Variants in NUMB observed in about 807,000 individuals in gnomAD.
The protein encoded by NUMB is NUMB endocytic adaptor protein.
Under a neutral mutation model 59.7 loss-of-function variants are expected in NUMB, and 29 were observed. The ratio of observed to expected loss-of-function variants is 0.49; its 90% CI spans 0.36 to 0.66. NUMB has a LOEUF of 0.66. Among genes scored for constraint, NUMB ranks in the 30% least tolerant of loss-of-function variants. The pLI is 0.00. For missense variants in NUMB, 723 were observed against 822.0 expected (o/e 0.88, Z 1.47); for synonymous variants, 288 against 288.2 (o/e 1.00, Z 0.01).
At chr14:73,308,108 G>T (rs185269189) in intron 6 of NUMB, among the ~76,000 whole-genome samples, 1 of 152,234 alleles carries the variant, frequency 6.6e-6, no homozygotes, top group African/African-American at 2.4e-5. Flanking sequence ...TGAAAGCAGG[G>T]GTAGTAGGAT....
intron 2 of NUMB, among the ~76,000 whole-genome samples, chr14:73,379,776 C>T (rs985657750): frequency 2.6e-5 from 4 of 152,006 alleles, no homozygotes; most frequent in African/African-American, 9.7e-5. Context: ...AGAGGAATAA[C>T]AAGGAGATGA....
intron 2 of NUMB, among the ~76,000 whole-genome samples, chr14:73,387,190 GTC>G (rs1281811722): frequency 6.6e-6 from 1 of 151,942 alleles, no homozygotes; most frequent in Non-Finnish European, 1.5e-5. Flanking sequence ...CCTATCAGGT[GTC>G]TTATTAAGTG....
At chr14:73,420,865 C>A (rs1213542463) in intron 1 of NUMB, among the ~76,000 whole-genome samples, 2 of 152,094 alleles carry the variant, frequency 1.3e-5, no homozygotes, top group Non-Finnish European at 2.9e-5. Context: ...CAGAGCCAGA[C>A]CCTGTCTCAA....
intron 6 of NUMB, among the ~76,000 whole-genome samples, chr14:73,307,424 G>A (rs1253489927): frequency 6.6e-6 from 1 of 152,014 alleles, no homozygotes; most frequent in Non-Finnish European, 1.5e-5. Flanking sequence ...GCTTTTGAGT[G>A]AAGGGAAAGA....
intron 2 of NUMB, among the ~76,000 whole-genome samples, chr14:73,370,552 C>A (rs534741936): frequency 1.3e-5 from 2 of 152,042 alleles, no homozygotes; most frequent in Admixed American, 6.6e-5. Context: ...ATTAGCCGGG[C>A]GTGATGGCAC....
chr14:73,398,278 T>C (rs928253819), intron 2 of NUMB, among the ~76,000 whole-genome samples: 1 of 152,134 alleles, frequency 6.6e-6, no homozygotes, highest in Non-Finnish European at 1.5e-5. Context: ...TTTTAAAATT[T>C]CTAACAACAT....
chr14:73,367,346 T>TAGAGAGAGAGAGAGAGAGAGAGAGAG (rs1288750867), intron 2 of NUMB, among the ~76,000 whole-genome samples: 2 of 91,250 alleles, frequency 2.2e-5, no homozygotes, highest in Non-Finnish European at 3.9e-5. Flanking sequence ...TATATATATA[T>TAGAGAGAGAGAGAGAGAGAGAGAGAG]ATAGAGAGAG....
At chr14:73,446,311 T>A (rs1225864072) in intron 1 of NUMB, among the ~76,000 whole-genome samples, 3 of 150,808 alleles carry the variant, frequency 2.0e-5, no homozygotes, top group South Asian at 4.2e-4. Context: ...AAAATAACTT[T>A]AAAAAAAAAT....
intron 6 of NUMB, among the ~76,000 whole-genome samples, chr14:73,313,793 A>G (rs1303879359): frequency 6.6e-6 from 1 of 151,222 alleles, no homozygotes; most frequent in African/African-American, 2.4e-5. Flanking sequence ...TTGAACCACT[A>G]AAAAAGATGA....
At chr14:73,316,648 A>T (rs571326947) in intron 5 of NUMB, among the ~76,000 whole-genome samples, 20 of 152,362 alleles carry the variant, frequency 1.3e-4, no homozygotes, top group Admixed American at 7.2e-4. Flanking sequence ...AGAAAGAGTA[A>T]GAAGAAATCA....
chr14:73,443,595 CAAA>C (rs553400027), intron 1 of NUMB, among the ~76,000 whole-genome samples: 3 of 76,786 alleles, frequency 3.9e-5, no homozygotes, highest in African/African-American at 4.2e-5. Context: ...AACTCCATCT[CAAA>C]AAAAAAAAAA....
intron 1 of NUMB, among the ~76,000 whole-genome samples, chr14:73,435,916 G>A (rs560059198): frequency 2.0e-5 from 3 of 151,360 alleles, no homozygotes; most frequent in African/African-American, 7.3e-5. Flanking sequence ...TGATGTGAGA[G>A]AATTGCTTGA....
intron 4 of NUMB, among the ~76,000 whole-genome samples, chr14:73,346,375 G>A (rs960895249): frequency 3.3e-5 from 5 of 151,750 alleles, no homozygotes; most frequent in African/African-American, 4.8e-5. Context: ...AACTACTCGG[G>A]AGGCTGAGGC....
At chr14:73,359,203 T>A (rs966611654) in intron 3 of NUMB, among the ~76,000 whole-genome samples, 2 of 152,196 alleles carry the variant, frequency 1.3e-5, no homozygotes, top group African/African-American at 4.8e-5. Flanking sequence ...TATTTCTTAA[T>A]GAATAATTAT....
chr14:73,402,982 A>G (rs543042682), intron 2 of NUMB, among the ~76,000 whole-genome samples: 2 of 152,334 alleles, frequency 1.3e-5, no homozygotes, highest in South Asian at 4.1e-4. Flanking sequence ...ACAGATGTTA[A>G]CTGGTTACTC....
chr14:73,446,680 G>A (rs1468694474), intron 1 of NUMB, among the ~76,000 whole-genome samples: 1 of 151,792 alleles, frequency 6.6e-6, no homozygotes, highest in Non-Finnish European at 1.5e-5. Flanking sequence ...AGAGCATTTT[G>A]GGAGGCCAAA....
intron 1 of NUMB, among the ~76,000 whole-genome samples, chr14:73,423,221 C>T (rs1258724487): frequency 1.3e-5 from 2 of 151,524 alleles, no homozygotes; most frequent in African/African-American, 2.4e-5. Flanking sequence ...CTTGATTGGC[C>T]GGGTGCGGTG....
chr14:73,364,690 C>T (rs1263894205), intron 3 of NUMB, among the ~76,000 whole-genome samples: 3 of 151,698 alleles, frequency 2.0e-5, no homozygotes, highest in Non-Finnish European at 2.9e-5. Context: ...TGCAGTGGCA[C>T]GATCATGACT....
At chr14:73,285,231 G>A (rs1361337447) in intron 9 of NUMB, 1 of 152,166 alleles carries the variant, frequency 6.6e-6, no homozygotes, top group African/African-American at 2.4e-5. Context: ...TTAAATTTGA[G>A]TAAATGTAAG....
Sources: allele counts gnomAD v4.1 joint callset (sites outside exome capture counted in the v4.1 genomes callset), GRCh38; gene constraint gnomAD v4.1.1; transcripts MANE v1.5; gene names NCBI Gene and HGNC (gene_info 2026-07-23, HGNC 2026-07-21).